PCDH7: variants seen among roughly 807,000 people sequenced by gnomAD.
PCDH7 encodes protocadherin-7.
PCDH7 carries 17 observed loss-of-function variants against 58.9 expected under a neutral mutation model. The ratio of observed to expected loss-of-function variants is 0.29; its 90% CI spans 0.20 to 0.43. PCDH7 has a LOEUF of 0.43. PCDH7 is among the 20% of genes least tolerant of loss of function. PCDH7 has a pLI of 1.00. For synonymous variants in PCDH7, 664 were observed against 616.4 expected, an observed-to-expected ratio of 1.08 and a Z score of -1.14; for missense variants, 1,274 against 1,441.0, an observed-to-expected ratio of 0.88 and a Z score of 1.88.
chr4:31,061,135 AT>A (rs1295852488), intron 3 of PCDH7, among the ~76,000 whole-genome samples: 15 of 151,870 alleles, frequency 9.9e-5, no homozygotes, highest in African/African-American at 3.4e-4. Flanking sequence ...GGGATATGAA[AT>A]TCTAGAACAT....
At chr4:31,122,022 C>T (rs149085923) in intron 3 of PCDH7, among the ~76,000 whole-genome samples, 148 of 151,022 alleles carry the variant, frequency 9.8e-4, no homozygotes, top group Non-Finnish European at 1.6e-3. Context: ...TTTTTTTTTC[C>T]CCAAAAGAAG....
intron 3 of PCDH7, among the ~76,000 whole-genome samples, chr4:31,035,576 T>C (rs1188782814): frequency 6.6e-6 from 1 of 152,026 alleles, no homozygotes; most frequent in Admixed American, 6.6e-5. Flanking sequence ...TTAATAACAC[T>C]TTTGCTCTCT....
intron 2 of PCDH7, among the ~76,000 whole-genome samples, chr4:30,927,099 G>T (rs1743968152): frequency 6.6e-6 from 1 of 152,122 alleles, no homozygotes; most frequent in African/African-American, 2.4e-5. Flanking sequence ...GACTTTGGAG[G>T]TCAGTTAGTG....
intron 3 of PCDH7, among the ~76,000 whole-genome samples, chr4:30,957,173 G>A (rs75112605): frequency 0.042 from 6,465 of 152,178 alleles, 235 homozygotes; most frequent in Admixed American, 0.11. Context: ...GCAAATTACC[G>A]AAGATGTCCA....
chr4:30,797,673 TGTA>T (rs1260823831), intron 1 of PCDH7, among the ~76,000 whole-genome samples: 1 of 152,220 alleles, frequency 6.6e-6, no homozygotes, highest in Non-Finnish European at 1.5e-5. Flanking sequence ...AAGATCCTGG[TGTA>T]GTTCATATTT....
chr4:30,919,693 C>A (rs887091508), intron 1 of PCDH7, among the ~76,000 whole-genome samples: 2 of 152,064 alleles, frequency 1.3e-5, no homozygotes, highest in African/African-American at 4.8e-5. Context: ...AGTCAACTGC[C>A]AACCCATTTG....
At chr4:30,725,228 G>C (rs1008699417) in intron 1 of PCDH7, 1 of 991,052 alleles carries the variant, frequency 1.0e-6, no homozygotes, top group Admixed American at 6.2e-5. Context: ...TATAATAATC[G>C]ATACCTATAA....
At chr4:30,848,979 T>C (rs1732354359) in intron 1 of PCDH7, among the ~76,000 whole-genome samples, 1 of 152,280 alleles carries the variant, frequency 6.6e-6, no homozygotes, top group Non-Finnish European at 1.5e-5. Context: ...AAATCATGCT[T>C]GTTTCTTTAT....
chr4:31,070,706 A>G (rs1252396386), intron 3 of PCDH7, among the ~76,000 whole-genome samples: 1 of 152,078 alleles, frequency 6.6e-6, no homozygotes, highest in Non-Finnish European at 1.5e-5. Context: ...TGTTTTATAT[A>G]TTTAGGTTAC....
chr4:30,778,396 T>C (rs1166166981), intron 1 of PCDH7, among the ~76,000 whole-genome samples: 1 of 152,172 alleles, frequency 6.6e-6, no homozygotes, highest in East Asian at 1.9e-4. Context: ...AGTATAAGAT[T>C]TTCAATGCTT....
chr4:31,056,443 AAAGAAAGAAAGAAAG>A (rs1317839277), intron 3 of PCDH7, among the ~76,000 whole-genome samples: 2 of 43,708 alleles, frequency 4.6e-5, no homozygotes, highest in African/African-American at 4.9e-4. Context: ...AGAAAGAAGG[AAAGAAAGAAAGAAAG>A]AAGAAAGAAA....
At chr4:31,098,429 T>C (rs1578792426) in intron 3 of PCDH7, among the ~76,000 whole-genome samples, 1 of 152,326 alleles carries the variant, frequency 6.6e-6, no homozygotes, top group East Asian at 1.9e-4. Context: ...CTAGTCACCC[T>C]GCCATGTAAT....
At chr4:30,767,490 G>T (rs1287110647) in intron 1 of PCDH7, among the ~76,000 whole-genome samples, 2 of 152,164 alleles carry the variant, frequency 1.3e-5, no homozygotes, top group Non-Finnish European at 2.9e-5. Context: ...GGGTATGTCT[G>T]TTGGATATTT....
At chr4:30,885,645 AAAG>A (rs1737624565) in intron 1 of PCDH7, among the ~76,000 whole-genome samples, 2 of 152,170 alleles carry the variant, frequency 1.3e-5, no homozygotes, top group Admixed American at 1.3e-4. Context: ...TGGAACCAAA[AAAG>A]AGCCTGCATC....
chr4:31,128,569 C>T (rs1019074167), intron 3 of PCDH7, among the ~76,000 whole-genome samples: 1 of 152,114 alleles, frequency 6.6e-6, no homozygotes, highest in African/African-American at 2.4e-5. Context: ...TCTTAAAAGA[C>T]ATGTATAACT....
intron 1 of PCDH7, among the ~76,000 whole-genome samples, chr4:30,773,496 T>C (rs1721681187): frequency 6.6e-6 from 1 of 152,092 alleles, no homozygotes; most frequent in South Asian, 2.1e-4. Flanking sequence ...ATTTTTTTTT[T>C]CTTTTTCTTT....
intron 1 of PCDH7, among the ~76,000 whole-genome samples, chr4:30,822,767 G>A (rs1198161167): frequency 6.6e-6 from 1 of 152,016 alleles, no homozygotes; most frequent in Admixed American, 6.6e-5. Context: ...CTTAAAACCT[G>A]GATATTATTC....
intron 3 of PCDH7, among the ~76,000 whole-genome samples, chr4:31,132,487 A>T (rs1327280630): frequency 1.3e-5 from 2 of 152,124 alleles, no homozygotes; most frequent in Admixed American, 6.5e-5. Context: ...TATCATCAAT[A>T]ATAAACATTT....
chr4:30,948,641 C>T (rs1355958595), intron 2 of PCDH7, among the ~76,000 whole-genome samples: 3 of 152,034 alleles, frequency 2.0e-5, no homozygotes, highest in East Asian at 1.9e-4. Flanking sequence ...TCAATAATAT[C>T]AGTTTAAAAT....
Sources: allele counts gnomAD v4.1 joint callset (sites outside exome capture counted in the v4.1 genomes callset), GRCh38; gene constraint gnomAD v4.1.1; transcripts MANE v1.5; gene names NCBI Gene and HGNC (gene_info 2026-07-23, HGNC 2026-07-21).